The following CACNA1E variants were observed in gnomAD, a reference collection of about 807,000 sequenced individuals.
CACNA1E encodes voltage-dependent R-type calcium channel subunit alpha-1E.
A neutral mutation model predicts 259.2 loss-of-function variants in CACNA1E; 40 were observed. The observed-to-expected ratio is 0.15, with a 90% confidence interval of 0.12 to 0.20. The LOEUF is 0.20. CACNA1E is among the 10% of genes least tolerant of loss of function. The pLI is 1.00. For synonymous variants in CACNA1E, 1,104 were observed against 1,138.5 expected (o/e 0.97, Z 0.61); for missense variants, 1,874 against 3,040.1 (o/e 0.62, Z 9.02).
At chr1:181,475,634 T>G (rs12059186) in intron 2 of CACNA1E, among the ~76,000 whole-genome samples, 1 of 152,130 alleles carries the variant, frequency 6.6e-6, no homozygotes, top group South Asian at 2.1e-4. Context: ...GAAAGATAGG[T>G]TGAATTCTGA....
At chr1:181,645,006 C>T (rs922943356) in intron 6 of CACNA1E, among the ~76,000 whole-genome samples, 2 of 152,152 alleles carry the variant, frequency 1.3e-5, no homozygotes, top group Admixed American at 6.5e-5. Flanking sequence ...CCAACAGTTA[C>T]ATAGCAGCTG....
intron 26 of CACNA1E, among the ~76,000 whole-genome samples, chr1:181,750,991 G>A (rs1184502172): frequency 1.3e-5 from 2 of 152,068 alleles, no homozygotes; most frequent in African/African-American, 4.8e-5. Context: ...GGTGGGGTAG[G>A]GGGGTAGGTA....
At chr1:181,657,320 T>C (rs1261547239) in intron 7 of CACNA1E, among the ~76,000 whole-genome samples, 1 of 152,060 alleles carries the variant, frequency 6.6e-6, no homozygotes, top group African/African-American at 2.4e-5. Flanking sequence ...ACTGAAATCT[T>C]AGGTTCCACA....
intron 6 of CACNA1E, among the ~76,000 whole-genome samples, chr1:181,603,016 A>T (rs1360163832): frequency 6.6e-6 from 1 of 152,170 alleles, no homozygotes; most frequent in South Asian, 2.1e-4. Flanking sequence ...TAAACACCTC[A>T]TTCAGGTGCC....
intron 7 of CACNA1E, among the ~76,000 whole-genome samples, chr1:181,675,596 G>A (rs1649290973): frequency 6.6e-6 from 1 of 152,148 alleles, no homozygotes; most frequent in Non-Finnish European, 1.5e-5. Context: ...TCCAAAAGTG[G>A]CATCTCTGAA....
chr1:181,709,832 G>A (rs1653161263), intron 7 of CACNA1E, among the ~76,000 whole-genome samples: 1 of 152,156 alleles, frequency 6.6e-6, no homozygotes, highest in South Asian at 2.1e-4. Flanking sequence ...AAGTAGAACA[G>A]CTTCCCAGGT....
chr1:181,668,954 GGAGGTC>G (rs1175562659), intron 7 of CACNA1E: 1 of 152,248 alleles, frequency 6.6e-6, no homozygotes, highest in African/African-American at 2.4e-5. Flanking sequence ...CTTGAACCCA[GGAGGTC>G]GAGGCTGCAG....
Position 181,794,919 on chromosome 1 carries a change from G to T in CACNA1E, c.6083G>T (p.Arg2028Leu). The change falls in exon 46 of 48, where the codon CGT (arginine) becomes CTT (leucine). Residue 2028 changes from arginine to leucine, a missense_variant. Physicochemically the swap from Arg to Leu is moderately radical, Grantham distance 102 (BLOSUM62 -2). Around this residue, in one of 14 missense-constraint regions of CACNA1E, gnomAD observed 542 missense variants for 587.2 expected, o/e 0.92. Transcript: ENST00000367573. ...RRSFSTIRDK[R>L]SNSSWLEEFS... ...TCATTTTCCACTATTCGGGATAAGC[G>T]TTCAAATTCCTCGTGGTTGGAGGAA... is the stretch of plus-strand genomic sequence containing the variant. 6.2e-7 allele frequency: 1 copy of T among 1,613,886 alleles called. No individual in the cohort carries two copies. The highest frequency in any genetic ancestry group is 8.5e-7 in the Non-Finnish European group (1 of 1,179,832).
chr1:181,383,700 G>A (rs1290019533), intron 1 of CACNA1E, among the ~76,000 whole-genome samples: 2 of 152,224 alleles, frequency 1.3e-5, no homozygotes, highest in Non-Finnish European at 2.9e-5. Flanking sequence ...GCAGAAACTG[G>A]CAAATGCTCA....
intron 2 of CACNA1E, among the ~76,000 whole-genome samples, chr1:181,426,391 G>A (rs984813735): frequency 2.0e-5 from 2 of 98,970 alleles, no homozygotes; most frequent in Non-Finnish European, 4.3e-5. Context: ...CATCTCAACC[G>A]CTTCCCATCT....
At position 181,752,227 on chromosome 1, in the gene CACNA1E, G is replaced by A; in HGVS notation, c.3816G>A (p.Leu1272=). 6.2e-7 allele frequency: 1 copy of A among 1,612,444 alleles called. No homozygotes were observed. The highest frequency in any genetic ancestry group is 8.5e-7 in the Non-Finnish European group (1 of 1,178,456). The change falls in exon 27 of 48, where the codon TTG becomes TTA. Residue 1272 remains leucine (L), a synonymous_variant. Coordinates refer to ENST00000367573, the MANE Select transcript of CACNA1E (RefSeq NM_001205293.3). Reference sequence around the variant, plus strand: ...GGCCACTGAAAACCATCAAGCGCTTGCCCAAGCTCAAGGTAGTGTTTACAG... The same window carrying A: ...GGCCACTGAAAACCATCAAGCGCTTACCCAAGCTCAAGGTAGTGTTTACAG... ...VLRPLKTIKR[L]PKLKAVFDCV... is the part of the protein sequence containing the mutation.
intron 1 of CACNA1E, among the ~76,000 whole-genome samples, chr1:181,332,252 A>G (rs1651336843): frequency 6.6e-6 from 1 of 152,208 alleles, no homozygotes; most frequent in Non-Finnish European, 1.5e-5. Context: ...ATCAGGAAGA[A>G]TAGCTAATGG....
At chr1:181,729,965 T>C (rs1558315771) in intron 18 of CACNA1E, among the ~76,000 whole-genome samples, 1 of 152,330 alleles carries the variant, frequency 6.6e-6, no homozygotes, top group Non-Finnish European at 1.5e-5. Flanking sequence ...CTTGTTGCAT[T>C]GCAGGTCACT....
At position 181,485,008 on chromosome 1, in the gene CACNA1E, G is replaced by C. The variant is rs1446995353; in HGVS notation, c.266+998G>C. On this transcript the variant is annotated intron_variant, in intron 1 of 47. Coordinates refer to ENST00000367573, the MANE Select transcript of CACNA1E (RefSeq NM_001205293.3). The surrounding 1 kb of genome is among the most constrained non-coding windows in gnomAD (Gnocchi z 4.2). ...TGCTGATTAGGCAGCTCACTGCCTTGTTCTTCACTAAGGATTGGACGCCTG... is the reference window on the plus strand; with the variant it reads ...TGCTGATTAGGCAGCTCACTGCCTTCTTCTTCACTAAGGATTGGACGCCTG... 2.0e-5 allele frequency among the ~76,000 whole-genome samples: 3 copies of C among 152,244 alleles called. No individual in the cohort carries two copies. In the South Asian group the frequency reaches 6.2e-4, roughly 31 times the overall value.
chr1:181,330,614 T>C (rs554750124), intron 1 of CACNA1E, among the ~76,000 whole-genome samples: 44 of 152,368 alleles, frequency 2.9e-4, no homozygotes, highest in Admixed American at 7.2e-4. Context: ...GCTGAAATTC[T>C]GTTGCTGAAA....
intron 25 of CACNA1E, among the ~76,000 whole-genome samples, chr1:181,743,053 G>A (rs1425755528): frequency 3.3e-5 from 5 of 152,084 alleles, no homozygotes; most frequent in African/African-American, 1.2e-4. Context: ...ACGTTATAAG[G>A]CATTTATAAG....
chr1:181,663,178 A>T (rs574277471), intron 7 of CACNA1E, among the ~76,000 whole-genome samples: 1 of 152,210 alleles, frequency 6.6e-6, no homozygotes, highest in African/African-American at 2.4e-5. Context: ...TAAAGATAAG[A>T]TGTAATATTT....
rs1401453653 is a variant in CACNA1E at position 181,803,972 on chromosome 1, C to T, written c.*5138C>T. The T allele has an allele frequency of 2.6e-5, 4 of 152,204 alleles. No homozygotes were observed. The highest frequency in any genetic ancestry group is 5.9e-5 in the Non-Finnish European group (4 of 68,042). 9.4% of individuals were successfully genotyped at this position (152,204 alleles called of 1,614,324 possible). ...TTGTAGTTTTGCTTTCTTCCACCCA[C>T]CCTCTCTCCGCATGCTGTAAGTTAG... On this transcript the variant is annotated 3_prime_UTR_variant, in exon 48 of 48. Transcript: ENST00000367573.
intron 1 of CACNA1E, among the ~76,000 whole-genome samples, chr1:181,346,663 G>T (rs774696584): frequency 1.3e-5 from 2 of 152,230 alleles, no homozygotes; most frequent in Non-Finnish European, 2.9e-5. Flanking sequence ...TCTCAGGTGT[G>T]TCAATGTCTT....
Sources: allele counts gnomAD v4.1 joint callset (sites outside exome capture counted in the v4.1 genomes callset), GRCh38; gene constraint gnomAD v4.1.1; regional missense constraint gnomAD v4.1.1; non-coding constraint Gnocchi (gnomAD v3.1); transcripts MANE v1.5; gene names NCBI Gene and HGNC (gene_info 2026-07-23, HGNC 2026-07-21).